Variants in IGSF21 observed in about 807,000 individuals in gnomAD.
IGSF21 encodes the protein immunoglobulin superfamily member 21.
In IGSF21, 28 loss-of-function variants were observed where a neutral mutation model predicts 46.8. The observed-to-expected ratio is 0.60, with a 90% CI of 0.44 to 0.82. The LOEUF (loss-of-function observed/expected upper bound fraction) is 0.82. IGSF21 is among the 40% of genes least tolerant of loss of function. The pLI is 0.00. For missense variants in IGSF21, 624 were observed against 665.5 expected (o/e 0.94, Z 0.69); for synonymous variants, 284 against 273.6 (o/e 1.04, Z -0.38).
At chr1:18,259,050 A>G (rs1006100420) in intron 2 of IGSF21, among the ~76,000 whole-genome samples, 1 of 152,204 alleles carries the variant, frequency 6.6e-6, no homozygotes, top group Non-Finnish European at 1.5e-5. Context: ...ACATATTGAA[A>G]GAAATTAAAT....
intron 2 of IGSF21, among the ~76,000 whole-genome samples, chr1:18,259,338 A>C (rs1180385694): frequency 6.6e-6 from 1 of 152,192 alleles, no homozygotes; most frequent in East Asian, 1.9e-4. Flanking sequence ...AATGGTCAGG[A>C]CTAGAAAGAA....
chr1:18,298,374 T>C (rs2085331339), intron 3 of IGSF21, among the ~76,000 whole-genome samples: 1 of 152,184 alleles, frequency 6.6e-6, no homozygotes, highest in Admixed American at 6.5e-5. Context: ...AGGTAGCGTG[T>C]CCTGAAGCCC....
intron 3 of IGSF21, among the ~76,000 whole-genome samples, chr1:18,303,823 G>A (rs761377505): frequency 6.6e-6 from 1 of 152,140 alleles, no homozygotes. Flanking sequence ...GGTTGGATAT[G>A]GTCAGCAAGG....
intron 5 of IGSF21, among the ~76,000 whole-genome samples, chr1:18,362,713 T>A (rs1038174574): frequency 6.6e-6 from 1 of 151,992 alleles, no homozygotes; most frequent in Non-Finnish European, 1.5e-5. Context: ...AGGGACAGGA[T>A]GGAAGGGCGA....
intron 1 of IGSF21, among the ~76,000 whole-genome samples, chr1:18,226,369 C>T (rs58666372): frequency 0.016 from 2,472 of 152,272 alleles, 57 homozygotes; most frequent in African/African-American, 0.054. Flanking sequence ...GCCCCAGGCC[C>T]GCACAGGGTA....
chr1:18,204,030 C>T (rs1202362559), intron 1 of IGSF21, among the ~76,000 whole-genome samples: 1 of 152,178 alleles, frequency 6.6e-6, no homozygotes, highest in East Asian at 1.9e-4. Flanking sequence ...TGACCAACCT[C>T]TGTTTCTGAG....
At chr1:18,340,094 C>T (rs2085816254) in intron 4 of IGSF21, among the ~76,000 whole-genome samples, 2 of 152,270 alleles carry the variant, frequency 1.3e-5, no homozygotes, top group South Asian at 4.1e-4. Context: ...TGCCCACGTA[C>T]ATGGACATTC....
chr1:18,196,906 G>T (rs997697380), intron 1 of IGSF21, among the ~76,000 whole-genome samples: 1 of 152,096 alleles, frequency 6.6e-6, no homozygotes, highest in Admixed American at 6.5e-5. Context: ...TGGGGGAGCC[G>T]CCCCGTGCCC....
intron 3 of IGSF21, among the ~76,000 whole-genome samples, chr1:18,316,729 A>G (rs184346491): frequency 1.3e-5 from 2 of 152,252 alleles, no homozygotes; most frequent in Non-Finnish European, 2.9e-5. Context: ...AGTTTCCTCA[A>G]CTGTAAAATG....
At chr1:18,216,983 G>A (rs560843724) in intron 1 of IGSF21, among the ~76,000 whole-genome samples, 7 of 152,250 alleles carry the variant, frequency 4.6e-5, no homozygotes, top group South Asian at 4.1e-4. Context: ...GTGGTAGTGC[G>A]TGGAGCTCCT....
chr1:18,295,298 G>A (rs1412277115), intron 3 of IGSF21, among the ~76,000 whole-genome samples: 1 of 152,170 alleles, frequency 6.6e-6, no homozygotes, highest in African/African-American at 2.4e-5. Context: ...CTCCCAGGTT[G>A]GAATTGACAA....
At chr1:18,210,898 C>T (rs569595449) in intron 1 of IGSF21, among the ~76,000 whole-genome samples, 38 of 152,232 alleles carry the variant, frequency 2.5e-4, no homozygotes, top group African/African-American at 8.2e-4. Context: ...GACAGAGTCT[C>T]ACTCTGTCAC....
chr1:18,362,221 A>G lies in IGSF21; in HGVS notation c.531A>G (p.Pro177=), dbSNP rs759567359. The change falls in exon 5 of 10, where the codon CCA becomes CCG. Residue 177 remains proline (P), a synonymous_variant. Transcript: ENST00000251296. The stretch of plus-strand genomic sequence containing the variant: ...TCTGCATCGTGTCTGGAGGAAAACC[A>G]GCACCCATGGTGAGTACCCCTGGAG... The part of the protein sequence containing the change: ...TLVCIVSGGK[P]APMVYFKRDG... 1 of 1,611,136 alleles carries G rather than the reference A, an allele frequency of 6.2e-7. No homozygotes were observed. The highest frequency in any genetic ancestry group is 1.1e-5 in the South Asian group (1 of 90,150).
intron 3 of IGSF21, among the ~76,000 whole-genome samples, chr1:18,314,601 G>A (rs1381247311): frequency 1.3e-5 from 2 of 152,278 alleles, no homozygotes; most frequent in African/African-American, 2.4e-5. Context: ...GCAAGTGAAG[G>A]AGCCAGGGAT....
In IGSF21 at chr1:18,166,216, A is replaced by T. The variant is rs563369138; in HGVS notation, c.70+58018A>T. ...TTTTCTGAGCTTGCTTTTAAAAAAA[A>T]TTTTACCTTGTATATTTTCTCCCTA... On this transcript the variant is annotated intron_variant, in intron 1 of 9. Transcript: ENST00000251296. Among the ~76,000 whole-genome samples, 19 of 152,216 alleles carry T rather than the reference A, an allele frequency of 1.2e-4. 2 individuals are homozygous for T. In the South Asian group the frequency reaches 2.9e-3, roughly 23 times the overall value.
At chr1:18,371,432 T>C (rs1006505141) in intron 6 of IGSF21, among the ~76,000 whole-genome samples, 1 of 151,996 alleles carries the variant, frequency 6.6e-6, no homozygotes, top group Non-Finnish European at 1.5e-5. Context: ...ATTAGCTGGG[T>C]ATGGTAGCTC....
intron 1 of IGSF21, among the ~76,000 whole-genome samples, chr1:18,225,436 T>G (rs1020136503): frequency 6.6e-5 from 10 of 152,104 alleles, no homozygotes; most frequent in African/African-American, 1.9e-4. Flanking sequence ...TGCAATTCCC[T>G]CATGGCTTGC....
chr1:18,163,714 C>T (rs555253569), intron 1 of IGSF21, among the ~76,000 whole-genome samples: 1 of 152,232 alleles, frequency 6.6e-6, no homozygotes, highest in Non-Finnish European at 1.5e-5. Flanking sequence ...TGGGAAAAGG[C>T]CCCCCAAGCT....
intron 3 of IGSF21, among the ~76,000 whole-genome samples, chr1:18,311,154 C>A (rs1316596386): frequency 6.6e-6 from 1 of 152,162 alleles, no homozygotes; most frequent in African/African-American, 2.4e-5. Flanking sequence ...CATTCACATC[C>A]CTGCCAGCAG....
Sources: gnomAD v4.1 joint callset for allele counts (sites outside exome capture counted in the v4.1 genomes callset) on GRCh38, gnomAD v4.1.1 for gene constraint, MANE v1.5 for transcripts, NCBI Gene and HGNC (gene_info 2026-07-23, HGNC 2026-07-21) for gene names.